Variants in OPCML observed in about 807,000 individuals in gnomAD.
The protein encoded by OPCML is opioid binding protein/cell adhesion molecule like.
A neutral mutation model predicts 37.8 loss-of-function variants in OPCML; 13 were observed. The ratio of observed to expected loss-of-function variants is 0.34; its 90% CI spans 0.22 to 0.55. The LOEUF (loss-of-function observed/expected upper bound fraction) is 0.55. OPCML is among the 20% of genes least tolerant of loss of function. OPCML has a pLI of 0.91. For missense variants in OPCML, 341 were observed against 435.6 expected (o/e 0.78, Z 1.93); for synonymous variants, 176 against 168.8 (o/e 1.04, Z -0.33).
rs1483659283 is a variant in OPCML at position 133,206,652 on chromosome 11, C to T, written c.62-263642G>A. Among the ~76,000 whole-genome samples the T allele has an allele frequency of 6.6e-6, 1 of 152,166 alleles. No individual in the cohort carries two copies. Among genetic ancestry groups the T allele is most frequent in the East Asian group, 1.9e-4 (1 of 5,184 alleles). ...ATGTCACCCTGAGAGATCACTAGGG[C>T]CGAGCAAAGGCTGTGCTCTCCTGCT... On this transcript the variant is annotated intron_variant, in intron 1 of 7. Coordinates refer to ENST00000524381, the MANE Select transcript of OPCML (RefSeq NM_001012393.5). The surrounding 1 kb of genome is among the most constrained non-coding windows in gnomAD (Gnocchi z 4.7).
intron 1 of OPCML, among the ~76,000 whole-genome samples, chr11:132,986,797 A>C (rs970394466): frequency 3.3e-5 from 5 of 152,250 alleles, no homozygotes; most frequent in Non-Finnish European, 7.3e-5. Flanking sequence ...AAGAAAATCC[A>C]GTAAACTAAA....
At chr11:132,491,335 G>C (rs2096214894) in intron 4 of OPCML, among the ~76,000 whole-genome samples, 1 of 152,230 alleles carries the variant, frequency 6.6e-6, no homozygotes, top group African/African-American at 2.4e-5. Flanking sequence ...TGCTCCATGT[G>C]CTCAGCCCTG....
intron 1 of OPCML, among the ~76,000 whole-genome samples, chr11:133,227,209 G>A (rs1191044749): frequency 6.6e-6 from 1 of 152,130 alleles, no homozygotes; most frequent in East Asian, 1.9e-4. Context: ...CCCCAGGCAT[G>A]GGATCCCTGT....
intron 1 of OPCML, among the ~76,000 whole-genome samples, chr11:133,495,096 A>G (rs1309247160): frequency 6.6e-6 from 1 of 151,936 alleles, no homozygotes; most frequent in Non-Finnish European, 1.5e-5. Context: ...TCATTGTATC[A>G]TTCTTATGCC....
intron 1 of OPCML, among the ~76,000 whole-genome samples, chr11:133,271,750 G>A (rs562999252): frequency 3.3e-5 from 5 of 152,198 alleles, no homozygotes; most frequent in Non-Finnish European, 1.5e-5. Context: ...ATTGCCACCA[G>A]AAGTATGCCA....
At chr11:132,551,381 CTTAGT>C (rs201423591) in intron 3 of OPCML, among the ~76,000 whole-genome samples, 3,133 of 152,224 alleles carry the variant, frequency 0.021, 99 homozygotes, top group East Asian at 0.042. Context: ...TGGGGAGGGG[CTTAGT>C]TTATAGTTGA....
intron 3 of OPCML, among the ~76,000 whole-genome samples, chr11:132,647,327 C>G (rs1237888925): frequency 6.6e-6 from 1 of 152,112 alleles, no homozygotes; most frequent in Non-Finnish European, 1.5e-5. Context: ...AAAATAGAAT[C>G]TGATAATGTT....
intron 2 of OPCML, among the ~76,000 whole-genome samples, chr11:132,890,418 G>A (rs569986034): frequency 1.9e-3 from 291 of 152,282 alleles, no homozygotes; most frequent in African/African-American, 5.7e-3. Context: ...GGAGACCGGA[G>A]AAGTGAAGAA....
At chr11:132,899,778 A>C (rs1457679445) in intron 2 of OPCML, among the ~76,000 whole-genome samples, 2 of 152,122 alleles carry the variant, frequency 1.3e-5, no homozygotes, top group East Asian at 1.9e-4. Context: ...GCACCATCCC[A>C]TAGGCTGGGA....
chr11:133,141,045 C>CGAAGACGAAGACGAA (rs1439158073), intron 1 of OPCML, among the ~76,000 whole-genome samples: 3 of 3,344 alleles, frequency 9.0e-4, no homozygotes, highest in African/African-American at 1.3e-3. Flanking sequence ...ACGACGACGA[C>CGAAGACGAAGACGAA]GACGAAGAAG....
intron 1 of OPCML, among the ~76,000 whole-genome samples, chr11:133,042,552 T>C (rs1006736304): frequency 4.6e-5 from 7 of 152,114 alleles, no homozygotes; most frequent in African/African-American, 1.2e-4. Flanking sequence ...AATAGGCTAG[T>C]TGGGGGGACT....
At chr11:133,527,950 C>A (rs867620179) in intron 1 of OPCML, among the ~76,000 whole-genome samples, 3 of 152,196 alleles carry the variant, frequency 2.0e-5, no homozygotes, top group Non-Finnish European at 2.9e-5. Flanking sequence ...GAGATAGTTC[C>A]CAGTAGCTGG....
chr11:132,680,160 T>C (rs890660451), intron 2 of OPCML, among the ~76,000 whole-genome samples: 1 of 152,186 alleles, frequency 6.6e-6, no homozygotes, highest in Admixed American at 6.5e-5. Context: ...GTGGCCGTGA[T>C]CAAGCCATTG....
rs73596447 is a variant in OPCML, at chr11:133,160,178, G to A, written c.62-217168C>T. On this transcript the variant is annotated intron_variant, in intron 1 of 7. Coordinates refer to ENST00000524381, the MANE Select transcript of OPCML (RefSeq NM_001012393.5). ...AATGTGTAGACACAAATAATATCTT[G>A]CCCCTAAGTCTCTCAATTTATGAAA... 9.0e-3 allele frequency among the ~76,000 whole-genome samples: 1,367 copies of A among 152,310 alleles called. 16 individuals are homozygous for A. The highest frequency in any genetic ancestry group is 0.032 in the African/African-American group (1,318 of 41,560).
intron 2 of OPCML, among the ~76,000 whole-genome samples, chr11:132,750,985 C>T (rs1013460751): frequency 1.3e-5 from 2 of 152,110 alleles, no homozygotes; most frequent in Non-Finnish European, 2.9e-5. Flanking sequence ...TACCCAGAGG[C>T]TGCAGCAACT....
chr11:132,735,082 G>C (rs1945209126), intron 2 of OPCML, among the ~76,000 whole-genome samples: 1 of 152,154 alleles, frequency 6.6e-6, no homozygotes, highest in Non-Finnish European at 1.5e-5. Flanking sequence ...TAAAATGAGA[G>C]ATGAACTAGA....
intron 1 of OPCML, among the ~76,000 whole-genome samples, chr11:133,179,067 G>A (rs922847478): frequency 2.1e-4 from 32 of 152,106 alleles, no homozygotes; most frequent in African/African-American, 7.5e-4. Flanking sequence ...CTGTCCTGCT[G>A]GCTGTCAGGC....
chr11:133,435,111 G>A (rs1052104145), intron 1 of OPCML, among the ~76,000 whole-genome samples: 3 of 151,820 alleles, frequency 2.0e-5, no homozygotes, highest in Non-Finnish European at 2.9e-5. Context: ...CTTGAGTTCT[G>A]TATTTATAGA....
intron 1 of OPCML, among the ~76,000 whole-genome samples, chr11:133,267,117 G>A (rs1301730503): frequency 2.6e-5 from 4 of 152,192 alleles, no homozygotes; most frequent in African/African-American, 9.7e-5. Flanking sequence ...TTTGTAGGCG[G>A]TGGAATGCAA....
Sources: allele counts gnomAD v4.1 joint callset (sites outside exome capture counted in the v4.1 genomes callset), GRCh38; gene constraint gnomAD v4.1.1; non-coding constraint Gnocchi (gnomAD v3.1); transcripts MANE v1.5; gene names NCBI Gene and HGNC (gene_info 2026-07-23, HGNC 2026-07-21).